RAP1GAP2: variants seen among roughly 807,000 people sequenced by gnomAD.
The protein encoded by RAP1GAP2 is RAP1 GTPase activating protein 2, also known as rap1 GTPase-activating protein 2.
In RAP1GAP2, 27 loss-of-function variants were observed where a neutral mutation model predicts 95.0. The ratio of observed to expected loss-of-function variants is 0.28; its 90% CI spans 0.21 to 0.39. The LOEUF (loss-of-function observed/expected upper bound fraction) is 0.39, where lower values mean the gene tolerates loss of function less well. RAP1GAP2 is among the 10% of genes least tolerant of loss of function. The probability of loss-of-function intolerance (pLI) is 1.00; values close to 1 mark genes in which losing one functional copy is unlikely to be tolerated. For synonymous variants in RAP1GAP2, 373 were observed against 380.9 expected (o/e 0.98, Z 0.24); for missense variants, 771 against 970.0 (o/e 0.79, Z 2.72).
rs565886696 is a variant in RAP1GAP2, at chr17:3,019,060, A to AAAAAC, written c.1632+879_1632+883dup. Among the ~76,000 whole-genome samples, 517 of 150,816 alleles carry AAAAAC rather than the reference A, an allele frequency of 3.4e-3. 9 individuals are homozygous for AAAAAC. The East Asian group carries it at 0.049, about 14-fold the overall frequency. On this transcript the variant is annotated intron_variant, in intron 18 of 24. Coordinates refer to ENST00000254695, the MANE Select transcript of RAP1GAP2 (RefSeq NM_015085.5). ...CTGGGTGACAGCGAGACTGTCTCAA[A>AAAAAC]AAAACAAAACAAAACAAAACACAAA...
chr17:2,920,139 G>GGACCA (rs1321498347), intron 3 of RAP1GAP2, among the ~76,000 whole-genome samples: 1 of 152,006 alleles, frequency 6.6e-6, no homozygotes, highest in Non-Finnish European at 1.5e-5. Context: ...CAAGTAGCTG[G>GGACCA]GACCACAGGT....
chr17:2,880,836 A>G (rs2073257265), intron 2 of RAP1GAP2, among the ~76,000 whole-genome samples: 1 of 152,192 alleles, frequency 6.6e-6, no homozygotes, highest in African/African-American at 2.4e-5. Context: ...AAAATCTGAA[A>G]TGTGCCGAGG....
At chr17:2,756,252 C>T (rs549582520) in intron 1 of RAP1GAP2, among the ~76,000 whole-genome samples, 2 of 152,134 alleles carry the variant, frequency 1.3e-5, no homozygotes, top group Non-Finnish European at 2.9e-5. Context: ...AACACAGGAG[C>T]CCCTGGGGGT....
At position 2,809,266 on chromosome 17, in the gene RAP1GAP2, T is replaced by C. The variant is rs138589168; in HGVS notation, c.80+8716T>C. ...GGAGCCGGCTGGCAGCCCTGGCCAG[T>C]AGGTACCAGGAATTGGGGCTCTTCT... On this transcript the variant is annotated intron_variant, in intron 2 of 24. Transcript: ENST00000254695. 8.5e-5 allele frequency among the ~76,000 whole-genome samples: 13 copies of C among 152,210 alleles called. No homozygotes were observed. The East Asian group carries it at 2.3e-3, about 27-fold the overall frequency.
intron 1 of RAP1GAP2, among the ~76,000 whole-genome samples, chr17:2,783,284 T>G (rs1030336721): frequency 1.3e-5 from 2 of 152,118 alleles, no homozygotes; most frequent in African/African-American, 4.8e-5. Flanking sequence ...CTGGTCCCAT[T>G]TGGATCGGAT....
intron 3 of RAP1GAP2, among the ~76,000 whole-genome samples, chr17:2,950,048 T>TCTC (rs2043858807): frequency 1.6e-5 from 1 of 61,348 alleles, no homozygotes; most frequent in South Asian, 6.1e-4. Flanking sequence ...CTTTTCTTCT[T>TCTC]CTTCTTCTTC....
intron 3 of RAP1GAP2, among the ~76,000 whole-genome samples, chr17:2,922,657 C>T (rs1297241001): frequency 6.6e-6 from 1 of 152,070 alleles, no homozygotes; most frequent in Non-Finnish European, 1.5e-5. Flanking sequence ...ATCTTCCCAT[C>T]CCTGCTGCCC....
intron 8 of RAP1GAP2, among the ~76,000 whole-genome samples, chr17:2,971,120 T>C (rs997428645): frequency 6.6e-6 from 1 of 152,244 alleles, no homozygotes; most frequent in African/African-American, 2.4e-5. Flanking sequence ...ATAGCAGCTA[T>C]AATTAGGAAC....
intron 1 of RAP1GAP2, among the ~76,000 whole-genome samples, chr17:2,780,680 A>G (rs1003123290): frequency 3.9e-5 from 6 of 152,250 alleles, no homozygotes; most frequent in Admixed American, 1.3e-4. Flanking sequence ...GCAGGGTCAC[A>G]CCCAGCCTAT....
At position 2,855,471 on chromosome 17, in the gene RAP1GAP2, G is replaced by C. The variant is rs2072095163; in HGVS notation, c.81-49813G>C. 6.6e-6 allele frequency among the ~76,000 whole-genome samples: 1 copy of C among 152,090 alleles called. No individual in the cohort carries two copies. Among genetic ancestry groups the C allele is most frequent in the Admixed American group, 6.6e-5 (1 of 15,262 alleles). On this transcript the variant is annotated intron_variant, in intron 2 of 24. Coordinates refer to ENST00000254695, the MANE Select transcript of RAP1GAP2 (RefSeq NM_015085.5). The surrounding 1 kb of genome is among the most constrained non-coding windows in gnomAD (Gnocchi z 4.3). ...GAACAGTTGCCTGGCTAGAACTTAG[G>C]TTGTTTTTGTTTTTGTTTCATTTAT...
rs748112661 is a variant in RAP1GAP2, at chr17:3,008,040, C to A, written c.1389C>A (p.Asn463Lys). Residue 463 changes from asparagine (N) to lysine (K), a missense_variant, in exon 17 of 25, where the codon AAC (asparagine) becomes AAA (lysine). Coordinates refer to ENST00000254695, the MANE Select transcript of RAP1GAP2 (RefSeq NM_015085.5). This position sits in a 1 kb window ranked among gnomAD's most constrained non-coding sequence, Gnocchi z 4.2. ...GGACCAGGGCTGCCCTCCTGGACAACCTTCACGATGAGCTCCACGCCCACA... is the reference window on the plus strand; with the variant it reads ...GGACCAGGGCTGCCCTCCTGGACAAACTTCACGATGAGCTCCACGCCCACA... ...EDRTRAALLD[N>K]LHDELHAHTQ... 1 of 1,613,958 alleles carries A rather than the reference C, an allele frequency of 6.2e-7. No individual in the cohort carries two copies.
intron 2 of RAP1GAP2, among the ~76,000 whole-genome samples, chr17:2,881,876 A>G (rs905616243): frequency 1.1e-4 from 17 of 152,028 alleles, no homozygotes; most frequent in Admixed American, 3.9e-4. Flanking sequence ...GCTGGAGTGC[A>G]GTGGCGCAAT....
intron 3 of RAP1GAP2, among the ~76,000 whole-genome samples, chr17:2,955,535 C>T (rs1178464628): frequency 1.3e-5 from 2 of 152,170 alleles, no homozygotes; most frequent in Admixed American, 1.3e-4. Context: ...ATCAGATATA[C>T]AATTTGCAAA....
intron 22 of RAP1GAP2, 123 bp from the exon 23 acceptor site, chr17:3,030,799 G>A: frequency 1.1e-6 from 1 of 887,736 alleles, no homozygotes; most frequent in Non-Finnish European, 1.8e-6. Context: ...AGGTCAGCTA[G>A]GGTGCCTGGT....
Position 2,866,887 on chromosome 17 carries a change from A to G in RAP1GAP2, c.81-38397A>G, listed in dbSNP as rs1409455787. 6.7e-6 allele frequency among the ~76,000 whole-genome samples: 1 copy of G among 149,866 alleles called. No individual in the cohort carries two copies. Among genetic ancestry groups the G allele is most frequent in the Admixed American group, 6.7e-5 (1 of 15,002 alleles). On this transcript the variant is annotated intron_variant, in intron 2 of 24. Transcript: ENST00000254695. The surrounding 1 kb of genome is among the most constrained non-coding windows in gnomAD (Gnocchi z 4.0). ...AGTGCTGGGATTACAGGTGTGAGCC[A>G]CTGCACTCGGCCTATTTTATTTTTT... is the stretch of plus-strand genomic sequence containing the variant.
At chr17:2,908,606 C>T (rs937670086) in intron 3 of RAP1GAP2, among the ~76,000 whole-genome samples, 2 of 151,632 alleles carry the variant, frequency 1.3e-5, no homozygotes, top group African/African-American at 4.9e-5. Context: ...GAGAAGGAGG[C>T]GGCGAGAATG....
chr17:2,968,617 CAAAG>C (rs1331133562), intron 8 of RAP1GAP2, among the ~76,000 whole-genome samples: 7 of 151,800 alleles, frequency 4.6e-5, no homozygotes, highest in Middle Eastern at 6.8e-3. Context: ...TAAGAGAAGA[CAAAG>C]AAAACACACT....
Position 2,875,875 on chromosome 17 carries a change from C to T in RAP1GAP2, c.81-29409C>T, listed in dbSNP as rs528253053. ...CAACTCCAGGTCTTCATTCTTGCCC[C>T]GCCAAAGTCATCCTTCCTGTAGCCT... On this transcript the variant is annotated intron_variant, in intron 2 of 24. Coordinates refer to ENST00000254695, the MANE Select transcript of RAP1GAP2 (RefSeq NM_015085.5). Among the ~76,000 whole-genome samples the T allele has an allele frequency of 1.9e-4, 29 of 151,946 alleles. No individual in the cohort carries two copies. In the South Asian group the frequency reaches 3.3e-3, roughly 17 times the overall value.
chr17:2,844,071 A>T (rs1326569476), intron 2 of RAP1GAP2, among the ~76,000 whole-genome samples: 1 of 151,648 alleles, frequency 6.6e-6, no homozygotes, highest in Non-Finnish European at 1.5e-5. Flanking sequence ...CCCAGGCTGG[A>T]GTGCAGTGGC....
Sources: allele counts gnomAD v4.1 joint callset (sites outside exome capture counted in the v4.1 genomes callset), GRCh38; gene constraint gnomAD v4.1.1; non-coding constraint Gnocchi (gnomAD v3.1); transcripts MANE v1.5; gene names NCBI Gene and HGNC (gene_info 2026-07-23, HGNC 2026-07-21).